The following SH3GL3 variants were observed in gnomAD, a reference collection of about 807,000 sequenced individuals.
SH3GL3 encodes the protein SH3 domain containing GRB2 like 3, endophilin A3.
In SH3GL3, 33 loss-of-function variants were observed where a neutral mutation model predicts 47.7. The observed-to-expected ratio is 0.69, with a 90% confidence interval of 0.52 to 0.92. SH3GL3 has a LOEUF of 0.92. Among genes scored for constraint, SH3GL3 ranks in the 40% least tolerant of loss-of-function variants. The pLI, the probability that SH3GL3 is intolerant of heterozygous loss-of-function variation, is 0.00. For missense variants in SH3GL3, 363 were observed against 417.8 expected (o/e 0.87, Z 1.14); for synonymous variants, 155 against 148.8 (o/e 1.04, Z -0.30).
At chr15:83,465,500 T>G (rs1318363596) in intron 1 of SH3GL3, among the ~76,000 whole-genome samples, 1 of 151,962 alleles carries the variant, frequency 6.6e-6, no homozygotes, top group Non-Finnish European at 1.5e-5. Context: ...AGCCGCTTTT[T>G]GCTCCCTTGG....
At chr15:83,499,418 C>T (rs920257452) in intron 1 of SH3GL3, among the ~76,000 whole-genome samples, 2 of 148,188 alleles carry the variant, frequency 1.3e-5, no homozygotes, top group Non-Finnish European at 1.5e-5. Flanking sequence ...AAAAGAAAGG[C>T]ACTTATCTTT....
At chr15:83,490,773 C>T in intron 1 of SH3GL3, 1 of 1,609,958 alleles carries the variant, frequency 6.2e-7, no homozygotes, top group Non-Finnish European at 8.5e-7. Context: ...TGAATAAGAC[C>T]ATTTTCCCAA....
intron 1 of SH3GL3, among the ~76,000 whole-genome samples, chr15:83,545,278 T>G (rs967878853): frequency 6.6e-6 from 1 of 152,196 alleles, no homozygotes; most frequent in African/African-American, 2.4e-5. Context: ...ATTCCTCTGC[T>G]TGATCAGTTC....
intron 1 of SH3GL3, among the ~76,000 whole-genome samples, chr15:83,555,323 T>A (rs2044890989): frequency 6.6e-6 from 1 of 152,246 alleles, no homozygotes; most frequent in Admixed American, 6.5e-5. Flanking sequence ...TTAAAAAGTC[T>A]ATATTGTTTC....
chr15:83,558,815 C>A (rs2045097243), intron 1 of SH3GL3, among the ~76,000 whole-genome samples: 1 of 152,204 alleles, frequency 6.6e-6, no homozygotes, highest in Non-Finnish European at 1.5e-5. Flanking sequence ...GTGCCGTGGG[C>A]TCTCAAAGTC....
At chr15:83,468,095 G>A (rs545170287) in intron 1 of SH3GL3, among the ~76,000 whole-genome samples, 33 of 152,320 alleles carry the variant, frequency 2.2e-4, no homozygotes, top group Middle Eastern at 3.4e-3. Flanking sequence ...CTCCCAAAGT[G>A]CTGGGATTAC....
chr15:83,503,260 C>T lies in SH3GL3; in HGVS notation c.45+55682C>T, dbSNP rs549281483. ...TGTTACTCTTAATATTGGATATATA[C>T]CCAATATTATTACATTTACATATGT... On this transcript the variant is annotated intron_variant, in intron 1 of 8. Coordinates refer to ENST00000427482, the MANE Select transcript of SH3GL3 (RefSeq NM_003027.5). Among the ~76,000 whole-genome samples, 3 of 152,120 alleles carry T rather than the reference C, an allele frequency of 2.0e-5. No homozygotes were observed. In the South Asian group the frequency reaches 6.2e-4, roughly 32 times the overall value.
chr15:83,576,121 C>T (rs1203297207), intron 5 of SH3GL3, among the ~76,000 whole-genome samples: 4 of 152,038 alleles, frequency 2.6e-5, no homozygotes, highest in South Asian at 4.1e-4. Flanking sequence ...TACGGAGATC[C>T]GTTAATATTC....
intron 1 of SH3GL3, among the ~76,000 whole-genome samples, chr15:83,511,474 C>T (rs919391227): frequency 6.6e-6 from 1 of 152,176 alleles, no homozygotes; most frequent in Admixed American, 6.5e-5. Context: ...TATGTTCTTC[C>T]TATAATTTTA....
chr15:83,600,396 TC>T (rs2060348508), intron 8 of SH3GL3, among the ~76,000 whole-genome samples: 1 of 152,148 alleles, frequency 6.6e-6, no homozygotes, highest in Non-Finnish European at 1.5e-5. Context: ...CCAGTTTCAT[TC>T]TCCTACACAT....
At chr15:83,541,641 T>G (rs1399348248) in intron 1 of SH3GL3, among the ~76,000 whole-genome samples, 1 of 152,190 alleles carries the variant, frequency 6.6e-6, no homozygotes, top group Non-Finnish European at 1.5e-5. Context: ...GCCTATCTTT[T>G]GGATAAAAGC....
chr15:83,560,046 G>A (rs897493179), intron 2 of SH3GL3, among the ~76,000 whole-genome samples: 5 of 152,184 alleles, frequency 3.3e-5, no homozygotes, highest in Admixed American at 6.5e-5. Flanking sequence ...AGAACCACCA[G>A]TATTAACAAC....
At chr15:83,609,301 A>G (rs1228520640) in intron 8 of SH3GL3, 2 of 455,934 alleles carry the variant, frequency 4.4e-6, no homozygotes, top group East Asian at 6.9e-5. Context: ...CAGATTAGGA[A>G]GGCCCAAGGG....
chr15:83,575,245 A>C (rs1206750270), intron 5 of SH3GL3, among the ~76,000 whole-genome samples: 4 of 152,008 alleles, frequency 2.6e-5, no homozygotes, highest in Admixed American at 2.0e-4. Flanking sequence ...AGCAAGTTTT[A>C]TTTCTTCTTG....
At chr15:83,547,081 C>T (rs917517205) in intron 1 of SH3GL3, among the ~76,000 whole-genome samples, 1 of 152,206 alleles carries the variant, frequency 6.6e-6, no homozygotes, top group African/African-American at 2.4e-5. Flanking sequence ...GTTGCATGCA[C>T]CCCAGTTCCA....
rs1213697139 is a variant in SH3GL3, at chr15:83,447,521, G to C, written c.-13G>C. On this transcript the variant is annotated 5_prime_UTR_variant, in exon 1 of 9. Coordinates refer to ENST00000427482, the MANE Select transcript of SH3GL3 (RefSeq NM_003027.5). This position sits in a 1 kb window ranked among gnomAD's most constrained non-coding sequence, Gnocchi z 5.1. ...GCCTTGAGACCACCCCGCCCCTGCC[G>C]GTCGCAGTCGCGATGTCGGTGGCCG... 3.3e-6 allele frequency: 5 copies of C among 1,501,032 alleles called. No individual in the cohort carries two copies. The Admixed American group carries it at 8.9e-5, about 27-fold the overall frequency. 93.0% of individuals were successfully genotyped at this position (1,501,032 alleles called of 1,614,324 possible).
intron 6 of SH3GL3, among the ~76,000 whole-genome samples, chr15:83,583,381 T>C: frequency 6.6e-6 from 1 of 152,182 alleles, no homozygotes; most frequent in Non-Finnish European, 1.5e-5. Flanking sequence ...CCAGTTTCCA[T>C]AGTCCTCTTG....
At position 83,447,515 on chromosome 15, in the gene SH3GL3, C is replaced by A. The variant is rs1274449289; in HGVS notation, c.-19C>A. Reference sequence around the variant, plus strand: ...AGCCGAGCCTTGAGACCACCCCGCCCCTGCCGGTCGCAGTCGCGATGTCGG... The same window carrying A: ...AGCCGAGCCTTGAGACCACCCCGCCACTGCCGGTCGCAGTCGCGATGTCGG... On this transcript the variant is annotated 5_prime_UTR_variant, in exon 1 of 9. Transcript: ENST00000427482. The surrounding 1 kb of genome is among the most constrained non-coding windows in gnomAD (Gnocchi z 5.1). The A allele has an allele frequency of 5.3e-6, 8 of 1,500,040 alleles. No homozygotes were observed. The highest frequency in any genetic ancestry group is 4.5e-5 in the Admixed American group (2 of 44,840). 92.9% of individuals were successfully genotyped at this position (1,500,040 alleles called of 1,614,324 possible).
chr15:83,616,995 GA>G (rs1267378623), intron 8 of SH3GL3, among the ~76,000 whole-genome samples: 2 of 152,160 alleles, frequency 1.3e-5, no homozygotes, highest in East Asian at 3.9e-4. Flanking sequence ...AATCTTTTAT[GA>G]AAACAACTAT....
Sources: gnomAD v4.1 joint callset for allele counts (sites outside exome capture counted in the v4.1 genomes callset) on GRCh38, gnomAD v4.1.1 for gene constraint, Gnocchi (gnomAD v3.1) non-coding constraint, MANE v1.5 for transcripts, NCBI Gene and HGNC (gene_info 2026-07-23, HGNC 2026-07-21) for gene names.